Variants in GABRR2 observed in about 807,000 individuals in gnomAD.
The protein encoded by GABRR2 is gamma-aminobutyric acid type A receptor subunit rho2.
A neutral mutation model predicts 47.0 loss-of-function variants in GABRR2; 36 were observed. That is an observed-to-expected ratio of 0.77 (90% CI 0.59 to 1.01). The LOEUF (loss-of-function observed/expected upper bound fraction) is 1.01, where lower values mean the gene tolerates loss of function less well. Ranked by LOEUF, GABRR2 falls within the 50% of genes least tolerant of loss-of-function variation. The probability of loss-of-function intolerance (pLI) is 0.00; values close to 1 mark genes in which losing one functional copy is unlikely to be tolerated. For synonymous variants in GABRR2, 204 were observed against 227.5 expected (o/e 0.90, Z 0.93); for missense variants, 587 against 594.6 (o/e 0.99, Z 0.13).
intron 3 of GABRR2, among the ~76,000 whole-genome samples, chr6:89,270,080 G>A (rs904412305): frequency 6.6e-6 from 1 of 152,244 alleles, no homozygotes. Context: ...GTGCATGCAT[G>A]AGAGTCTGTC....
Position 89,271,712 on chromosome 6 carries a change from G to A in GABRR2, c.231C>T (p.Ile77=). The A allele has an allele frequency of 6.2e-7, 1 of 1,612,364 alleles. No individual in the cohort carries two copies. The highest frequency in any genetic ancestry group is 8.5e-7 in the Non-Finnish European group (1 of 1,179,224). ...CCACCTGTACGTCCACGCCCACCGG[G>A]ATGGCAGGGCCTGCAGAAGAGCAGA... ...SMRPAFGGPA[I]PVGVDVQVES... The change falls in exon 3 of 9, where the codon ATC becomes ATT. Residue 77 remains isoleucine, a synonymous_variant. Transcript: ENST00000402938.
In GABRR2 at chr6:89,265,606, C is replaced by T. The variant is rs762511370; in HGVS notation, c.889+7G>A. On this transcript the variant is annotated splice_region_variant and intron_variant, in intron 7 of 8. Transcript: ENST00000402938. ...CCACCCTACCACACCTTATGAAATG[C>T]TTTTACCCAGTGAAACTCTGGCAGG... 3 of 1,612,034 alleles carry T rather than the reference C, an allele frequency of 1.9e-6. No individual in the cohort carries two copies. The Admixed American group carries it at 5.0e-5, about 27-fold the overall frequency.
At chr6:89,276,481 T>A (rs987268806) in intron 2 of GABRR2, among the ~76,000 whole-genome samples, 4 of 152,152 alleles carry the variant, frequency 2.6e-5, no homozygotes, top group Admixed American at 6.5e-5. Context: ...TATGATTTTT[T>A]AAAAAATGAA....
chr6:89,310,941 A>T (rs1363606628), intron 1 of GABRR2, among the ~76,000 whole-genome samples: 2 of 152,236 alleles, frequency 1.3e-5, no homozygotes, highest in Admixed American at 6.5e-5. Flanking sequence ...TTATAGCTTC[A>T]CAGGTCAAAG....
Position 89,301,793 on chromosome 6 carries a change from T to G in GABRR2, c.114-1928A>C, listed in dbSNP as rs964428206. ...CCAGACACGCCCAGTATGAGGGAGA[T>G]CCTGCACATTCAGGCCGGCCAGTGC... On this transcript the variant is annotated intron_variant, in intron 1 of 8. Transcript: ENST00000402938. The G allele has an allele frequency of 3.6e-6, 3 of 822,706 alleles. No individual in the cohort carries two copies. The African/African-American group carries it at 5.1e-5, about 14-fold the overall frequency. 51.0% of individuals were successfully genotyped at this position (822,706 alleles called of 1,614,324 possible).
intron 2 of GABRR2, among the ~76,000 whole-genome samples, chr6:89,291,171 T>C (rs1167856432): frequency 6.6e-6 from 1 of 152,094 alleles, no homozygotes; most frequent in Non-Finnish European, 1.5e-5. Flanking sequence ...AAGACCTGGC[T>C]CTCTTCCCTC....
At position 89,309,330 on chromosome 6, in the gene GABRR2, A is replaced by C. The variant is rs574670429; in HGVS notation, c.113+5723T>G. Among the ~76,000 whole-genome samples the C allele has an allele frequency of 1.5e-4, 23 of 152,084 alleles. No individual in the cohort carries two copies. In the South Asian group the frequency reaches 4.8e-3, roughly 32 times the overall value. ...GCAGAAGTGCCTAATGCCCCTTCTTACAGAGTCCTTTGAACCCTGCCCTCA... is the reference window on the plus strand; with the variant it reads ...GCAGAAGTGCCTAATGCCCCTTCTTCCAGAGTCCTTTGAACCCTGCCCTCA... On this transcript the variant is annotated intron_variant, in intron 1 of 8. Transcript: ENST00000402938.
intron 2 of GABRR2, among the ~76,000 whole-genome samples, chr6:89,275,920 A>T (rs1437153788): frequency 6.6e-6 from 1 of 152,086 alleles, no homozygotes; most frequent in Non-Finnish European, 1.5e-5. Context: ...AGCTCTCCGG[A>T]GTGGTAGTCC....
chr6:89,303,110 A>G (rs1350170887), intron 1 of GABRR2: 5 of 614,070 alleles, frequency 8.1e-6, no homozygotes, highest in African/African-American at 1.9e-5. Flanking sequence ...CAGGGCCCCA[A>G]GTGAAGCTGC....
chr6:89,287,589 G>A (rs1041699900), intron 2 of GABRR2, among the ~76,000 whole-genome samples: 2 of 152,220 alleles, frequency 1.3e-5, no homozygotes, highest in South Asian at 2.1e-4. Flanking sequence ...GCCAGGCTGC[G>A]CTAAATGCTT....
intron 2 of GABRR2, among the ~76,000 whole-genome samples, chr6:89,279,126 G>A (rs757068489): frequency 2.6e-5 from 4 of 152,236 alleles, no homozygotes; most frequent in Non-Finnish European, 5.9e-5. Flanking sequence ...CTCCCGAGCA[G>A]GGTGGAGCCG....
chr6:89,289,194 G>A (rs1358813755), intron 2 of GABRR2, among the ~76,000 whole-genome samples: 3 of 152,200 alleles, frequency 2.0e-5, no homozygotes, highest in East Asian at 1.9e-4. Flanking sequence ...CAGGGCCAGA[G>A]AGCATGCTAG....
rs780548963 is a variant in GABRR2 at position 89,264,568 on chromosome 6, G to A, written c.930C>T (p.Gly310=). The A allele has an allele frequency of 7.4e-6, 12 of 1,613,978 alleles. No individual in the cohort carries two copies. Among genetic ancestry groups the A allele is most frequent in the Admixed American group, 1.7e-5 (1 of 59,984 alleles). ...TVLTMTTIIT[G]VNASMPRVSY... is the part of the protein sequence containing the mutation. ...AGACGCGCGGCATGGAGGCATTCAC[G>A]CCCGTGATGATGGTGGTCATGGTCA... The change falls in exon 8 of 9, where the codon GGC becomes GGT. Residue 310 remains glycine, a synonymous_variant. Transcript: ENST00000402938.
chr6:89,301,397 G>T (rs1315395485), intron 1 of GABRR2, among the ~76,000 whole-genome samples: 2 of 152,140 alleles, frequency 1.3e-5, no homozygotes, highest in Non-Finnish European at 2.9e-5. Context: ...AGAACAAAAT[G>T]AAGGGCATCC....
At position 89,257,764 on chromosome 6, in the gene GABRR2, A is replaced by G; in HGVS notation, c.1304T>C (p.Phe435Ser). ...LLKGQTGFRI[F>S]QNTHAIDKYS... ...TTTGTCAATGGCATGGGTATTCTGG[A>G]AGATACGAAAACCCGTCTGGCCCTT... The change falls in exon 9 of 9, where the codon TTC becomes TCC. Residue 435 changes from phenylalanine to serine, a missense_variant. Transcript: ENST00000402938. The G allele has an allele frequency of 6.2e-7, 1 of 1,613,988 alleles. No individual in the cohort carries two copies. Among genetic ancestry groups the G allele is most frequent in the South Asian group, 1.1e-5 (1 of 91,080 alleles).
chr6:89,305,581 T>C (rs1240983538), intron 1 of GABRR2, among the ~76,000 whole-genome samples: 1 of 152,008 alleles, frequency 6.6e-6, no homozygotes, highest in Non-Finnish European at 1.5e-5. Flanking sequence ...TGAGCCATGA[T>C]CATGACACTG....
At chr6:89,295,497 G>C (rs1037477274) in intron 2 of GABRR2, among the ~76,000 whole-genome samples, 2 of 151,652 alleles carry the variant, frequency 1.3e-5, no homozygotes, top group Non-Finnish European at 2.9e-5. Flanking sequence ...TTTTTAATTT[G>C]TTTGAGTTCA....
At chr6:89,309,327 CT>C (rs1767635673) in intron 1 of GABRR2, among the ~76,000 whole-genome samples, 1 of 152,106 alleles carries the variant, frequency 6.6e-6, no homozygotes, top group Non-Finnish European at 1.5e-5. Flanking sequence ...AATGCCCCTT[CT>C]TACAGAGTCC....
At chr6:89,292,216 T>G (rs900809723) in intron 2 of GABRR2, among the ~76,000 whole-genome samples, 1 of 151,836 alleles carries the variant, frequency 6.6e-6, no homozygotes, top group Non-Finnish European at 1.5e-5. Flanking sequence ...AAAAATTCCA[T>G]GATGATACTA....
Sources: allele counts gnomAD v4.1 joint callset (sites outside exome capture counted in the v4.1 genomes callset), GRCh38; gene constraint gnomAD v4.1.1; transcripts MANE v1.5; gene names NCBI Gene and HGNC (gene_info 2026-07-23, HGNC 2026-07-21).